HPSE2: variants seen among roughly 807,000 people sequenced by gnomAD.
HPSE2 encodes inactive heparanase-2.
In HPSE2, 38 loss-of-function variants were observed where a neutral mutation model predicts 60.5. The observed-to-expected ratio is 0.63, with a 90% CI of 0.48 to 0.82. The LOEUF is 0.82. Ranked by LOEUF, HPSE2 falls within the 40% of genes least tolerant of loss-of-function variation. HPSE2 has a pLI of 0.00. For synonymous variants in HPSE2, 295 were observed against 293.2 expected, an observed-to-expected ratio of 1.01 and a Z score of -0.06; for missense variants, 713 against 740.4, an observed-to-expected ratio of 0.96 and a Z score of 0.43.
intron 3 of HPSE2, among the ~76,000 whole-genome samples, chr10:98,842,498 T>A (rs1293699187): frequency 6.8e-6 from 1 of 146,482 alleles, no homozygotes; most frequent in Non-Finnish European, 1.5e-5. Flanking sequence ...CTTCTTTTGA[T>A]TTTTTTTTTT....
intron 3 of HPSE2, among the ~76,000 whole-genome samples, chr10:99,134,374 TA>T (rs996720962): frequency 1.3e-5 from 2 of 152,072 alleles, no homozygotes; most frequent in African/African-American, 4.8e-5. Flanking sequence ...CAGAGAACAC[TA>T]CAAAGATGCT....
chr10:98,914,167 G>A (rs2135033211), intron 3 of HPSE2, among the ~76,000 whole-genome samples: 1 of 152,280 alleles, frequency 6.6e-6, no homozygotes, highest in African/African-American at 2.4e-5. Context: ...TGCTGTTCTT[G>A]TGATAGTGAA....
At chr10:99,051,843 C>A (rs1005323425) in intron 3 of HPSE2, among the ~76,000 whole-genome samples, 1 of 151,406 alleles carries the variant, frequency 6.6e-6, no homozygotes, top group Non-Finnish European at 1.5e-5. Flanking sequence ...TAGATTCACA[C>A]TAAGAATAAA....
At chr10:98,549,709 TCTC>T (rs992220016) in intron 9 of HPSE2, among the ~76,000 whole-genome samples, 71 of 152,280 alleles carry the variant, frequency 4.7e-4, no homozygotes, top group Middle Eastern at 3.4e-3. Flanking sequence ...TCACTCTTCT[TCTC>T]CACCTCTGCG....
intron 3 of HPSE2, among the ~76,000 whole-genome samples, chr10:98,773,842 G>A (rs1477522935): frequency 6.6e-6 from 1 of 152,164 alleles, no homozygotes; most frequent in Non-Finnish European, 1.5e-5. Flanking sequence ...TTGCTTTTGA[G>A]CTCAGGAGTT....
intron 3 of HPSE2, among the ~76,000 whole-genome samples, chr10:99,068,585 C>T (rs752101785): frequency 1.3e-5 from 2 of 152,156 alleles, no homozygotes; most frequent in Non-Finnish European, 2.9e-5. Context: ...TGGATTATTA[C>T]AATTCAAGGT....
chr10:98,658,112 G>A (rs1947124708), intron 6 of HPSE2, among the ~76,000 whole-genome samples: 1 of 152,070 alleles, frequency 6.6e-6, no homozygotes, highest in African/African-American at 2.4e-5. Context: ...CAGAAAAGTG[G>A]AGGCAGTTTT....
Position 99,126,091 on chromosome 10 carries a change from CT to C in HPSE2, c.610+18146del, listed in dbSNP as rs1294707539. Among the ~76,000 whole-genome samples the C allele has an allele frequency of 6.6e-6, 1 of 152,140 alleles. No homozygotes were observed. Among genetic ancestry groups the C allele is most frequent in the African/African-American group, 2.4e-5 (1 of 41,426 alleles). On this transcript the variant is annotated intron_variant, in intron 3 of 11. Transcript: ENST00000370552. The surrounding 1 kb of genome is among the most constrained non-coding windows in gnomAD (Gnocchi z 4.0). The stretch of plus-strand genomic sequence containing the variant: ...TGTGCTTGCTTTCTCAGCAGGGAAG[CT>C]TACGACCTGGTGCAAGGTCTGAGTG...
In HPSE2 at chr10:98,737,534, C is replaced by T. The variant is rs540317518; in HGVS notation, c.784+6349G>A. Among the ~76,000 whole-genome samples the T allele has an allele frequency of 4.1e-4, 63 of 152,044 alleles. 10 individuals are homozygous for T. Among genetic ancestry groups the T allele is most frequent in the African/African-American group, 1.4e-3 (59 of 41,502 alleles). The stretch of plus-strand genomic sequence containing the variant: ...GGGGAGGGAGTTCTCTGACCCCTTG[C>T]ACTTCCTGGGTGAGGTGATGCCCCA... On this transcript the variant is annotated intron_variant, in intron 4 of 11. Transcript: ENST00000370552.
chr10:99,118,883 G>A (rs533910108), intron 3 of HPSE2, among the ~76,000 whole-genome samples: 2 of 152,078 alleles, frequency 1.3e-5, no homozygotes, highest in East Asian at 1.9e-4. Flanking sequence ...TGGGCGTGGT[G>A]GTAGGCACCT....
intron 7 of HPSE2, among the ~76,000 whole-genome samples, chr10:98,623,934 C>T (rs1275683919): frequency 1.3e-5 from 2 of 152,044 alleles, no homozygotes; most frequent in African/African-American, 4.8e-5. Flanking sequence ...GAAAAATCCA[C>T]AGGAGTAAAT....
intron 3 of HPSE2, among the ~76,000 whole-genome samples, chr10:98,875,590 A>C (rs1240321676): frequency 6.6e-6 from 1 of 152,012 alleles, no homozygotes; most frequent in Non-Finnish European, 1.5e-5. Context: ...GCTGAATTCT[A>C]CCAGAGGTAC....
chr10:98,874,472 C>T (rs1350166451), intron 3 of HPSE2, among the ~76,000 whole-genome samples: 3 of 152,006 alleles, frequency 2.0e-5, no homozygotes, highest in Non-Finnish European at 1.5e-5. Context: ...TATCCTGAGA[C>T]TTTGCTGAAG....
At chr10:98,944,252 G>A (rs1955113391) in intron 3 of HPSE2, among the ~76,000 whole-genome samples, 1 of 152,120 alleles carries the variant, frequency 6.6e-6, no homozygotes, top group Admixed American at 6.6e-5. Context: ...AAGCAGCAGA[G>A]GCAGAGAGCA....
intron 3 of HPSE2, among the ~76,000 whole-genome samples, chr10:98,947,316 C>T (rs1955215440): frequency 6.6e-6 from 1 of 152,042 alleles, no homozygotes; most frequent in African/African-American, 2.4e-5. Flanking sequence ...AAAGGCATAC[C>T]TATAGACTAT....
Position 98,983,996 on chromosome 10 carries a change from A to G in HPSE2, c.610+160242T>C, listed in dbSNP as rs572732170. On this transcript the variant is annotated intron_variant, in intron 3 of 11. Coordinates refer to ENST00000370552, the MANE Select transcript of HPSE2 (RefSeq NM_021828.5). ...GAGTAGGTAAACAAAGCAGCCAGGA[A>G]GCTGGAACTGGGTGGAGCCCACGGC... Among the ~76,000 whole-genome samples, 538 of 152,322 alleles carry G rather than the reference A, an allele frequency of 3.5e-3. 4 individuals are homozygous for G. Among genetic ancestry groups the G allele is most frequent in the Non-Finnish European group, 4.0e-3 (272 of 68,032 alleles).
intron 3 of HPSE2, among the ~76,000 whole-genome samples, chr10:98,960,466 G>C (rs1197839925): frequency 6.6e-6 from 1 of 151,934 alleles, no homozygotes; most frequent in Non-Finnish European, 1.5e-5. Context: ...GAGTTAAAAA[G>C]ATTAATCAAG....
At chr10:98,711,169 T>C (rs1384996326) in intron 5 of HPSE2, among the ~76,000 whole-genome samples, 1 of 152,020 alleles carries the variant, frequency 6.6e-6, no homozygotes, top group Admixed American at 6.6e-5. Flanking sequence ...TACACACCCC[T>C]TGACAGTCCA....
chr10:99,094,357 G>A (rs1458282125), intron 3 of HPSE2, among the ~76,000 whole-genome samples: 1 of 150,496 alleles, frequency 6.6e-6, no homozygotes, highest in Admixed American at 6.6e-5. Context: ...TACTTAAAAA[G>A]GTTTATCTTC....
Sources: allele counts gnomAD v4.1 joint callset (sites outside exome capture counted in the v4.1 genomes callset), GRCh38; gene constraint gnomAD v4.1.1; non-coding constraint Gnocchi (gnomAD v3.1); transcripts MANE v1.5; gene names NCBI Gene and HGNC (gene_info 2026-07-23, HGNC 2026-07-21).